POU6F2: variants seen among roughly 807,000 people sequenced by gnomAD.
The protein encoded by POU6F2 is POU domain, class 6, transcription factor 2.
In POU6F2, 31 loss-of-function variants were observed where a neutral mutation model predicts 71.3. The observed-to-expected ratio is 0.43, with a 90% CI of 0.33 to 0.59. POU6F2 has a LOEUF of 0.59. Among genes scored for constraint, POU6F2 ranks in the 20% least tolerant of loss-of-function variants. The pLI, the probability that POU6F2 is intolerant of heterozygous loss-of-function variation, is 0.04. For synonymous variants in POU6F2, 347 were observed against 355.7 expected (o/e 0.98, Z 0.27); for missense variants, 783 against 856.8 (o/e 0.91, Z 1.07).
Position 39,464,041 on chromosome 7 carries a change from C to T in POU6F2, c.1659-141C>T. ...AGCACGCTGGGAGGGTGGGCGCTGG[C>T]TTGGGCAGGGCTGGCTACCTTGCAG... On this transcript the variant is annotated intron_variant, in intron 9 of 9. Coordinates refer to ENST00000518318, the MANE Select transcript of POU6F2 (RefSeq NM_001370959.1). This position sits in a 1 kb window ranked among gnomAD's most constrained non-coding sequence, Gnocchi z 4.1. The T allele has an allele frequency of 8.9e-7, 1 of 1,123,190 alleles. No individual in the cohort carries two copies. Among genetic ancestry groups the T allele is most frequent in the Non-Finnish European group, 1.3e-6 (1 of 778,982 alleles). 69.6% of individuals were successfully genotyped at this position (1,123,190 alleles called of 1,614,324 possible).
Position 39,347,824 on chromosome 7 carries a change from G to T in POU6F2, c.972+7809G>T, listed in dbSNP as rs1786060093. ...TTTTTGTATTTTTTGTAGAGATGGG[G>T]TTTTGCCATGTTGCCCAGGCTGGTC... is the stretch of plus-strand genomic sequence containing the variant. On this transcript the variant is annotated intron_variant, in intron 5 of 9. Transcript: ENST00000518318. 2.8e-5 allele frequency among the ~76,000 whole-genome samples: 4 copies of T among 142,142 alleles called. 1 individual carries two copies. The highest frequency in any genetic ancestry group is 1.5e-4 in the Admixed American group (2 of 13,362). The allele number at this position is 142,142 out of a possible 152,430, so 93.3% of individuals were successfully genotyped here.
chr7:39,194,543 AAAGTGGACCAATCAGCGCTCTG>A (rs1793740224), intron 2 of POU6F2, among the ~76,000 whole-genome samples: 1 of 5,348 alleles, frequency 1.9e-4, no homozygotes, highest in African/African-American at 8.6e-3. Flanking sequence ...AGCACTCTGT[AAAGTGGACCAATCAGCGCTCTG>A]TAAAGTGGAC....
chr7:39,428,704 C>T lies in POU6F2; in HGVS notation c.1114-4373C>T, dbSNP rs573701336. Among the ~76,000 whole-genome samples, 4 of 152,212 alleles carry T rather than the reference C, an allele frequency of 2.6e-5. No individual in the cohort carries two copies. In the East Asian group the frequency reaches 7.7e-4, roughly 29 times the overall value. On this transcript the variant is annotated intron_variant, in intron 6 of 9. Coordinates refer to ENST00000518318, the MANE Select transcript of POU6F2 (RefSeq NM_001370959.1). The stretch of plus-strand genomic sequence containing the variant: ...ACTGATTTCCAGATCTGTAGTCCCT[C>T]ACCACTTGAGTCCATTCTGTCCACA...
At chr7:39,112,407 A>G (rs1031953310) in intron 2 of POU6F2, among the ~76,000 whole-genome samples, 3 of 152,214 alleles carry the variant, frequency 2.0e-5, no homozygotes, top group Non-Finnish European at 4.4e-5. Context: ...TATTAACAGT[A>G]CGTAATATAT....
rs571623090 is a variant in POU6F2, at chr7:39,221,050, A to T, written c.598+13430A>T. Among the ~76,000 whole-genome samples the T allele has an allele frequency of 1.3e-4, 20 of 152,312 alleles. No homozygotes were observed. The East Asian group carries it at 3.7e-3, about 28-fold the overall frequency. On this transcript the variant is annotated intron_variant, in intron 4 of 9. Transcript: ENST00000518318. ...ACAATATCTTATTAAAAATAATTTC[A>T]GCTTTAAATTTTTTTAAAATATGGA...
At chr7:39,458,280 C>T (rs1323906616) in intron 8 of POU6F2, among the ~76,000 whole-genome samples, 1 of 152,128 alleles carries the variant, frequency 6.6e-6, no homozygotes, top group Non-Finnish European at 1.5e-5. Flanking sequence ...CTGGACATTA[C>T]CAAGTGCAAA....
At chr7:39,383,836 A>G (rs1786880401) in intron 5 of POU6F2, among the ~76,000 whole-genome samples, 1 of 152,180 alleles carries the variant, frequency 6.6e-6, no homozygotes, top group Admixed American at 6.5e-5. Context: ...CTACACCTAT[A>G]AGATCTGGGC....
At chr7:39,017,800 C>A (rs1327926193) in intron 1 of POU6F2, among the ~76,000 whole-genome samples, 1 of 123,620 alleles carries the variant, frequency 8.1e-6, no homozygotes, top group East Asian at 2.4e-4. Flanking sequence ...AGCTCATTCC[C>A]AGATTGTGCA....
intron 4 of POU6F2, among the ~76,000 whole-genome samples, chr7:39,284,471 A>G (rs1255508217): frequency 6.6e-6 from 1 of 152,220 alleles, no homozygotes; most frequent in Non-Finnish European, 1.5e-5. Context: ...ACAGGTTATT[A>G]TAACTACTTT....
At chr7:39,368,795 T>C (rs58804492) in intron 5 of POU6F2, among the ~76,000 whole-genome samples, 31,089 of 152,086 alleles carry the variant, frequency 0.2, 3,741 homozygotes, top group East Asian at 0.59. Context: ...TCTACCTGTG[T>C]TTTGTAAATG....
At chr7:38,988,544 T>C (rs1194552479) in intron 1 of POU6F2, among the ~76,000 whole-genome samples, 1 of 152,100 alleles carries the variant, frequency 6.6e-6, no homozygotes, top group African/African-American at 2.4e-5. Context: ...ATGTCTAATG[T>C]TTAATACTAT....
At chr7:39,346,766 T>C (rs1313358795) in intron 5 of POU6F2, among the ~76,000 whole-genome samples, 1 of 152,254 alleles carries the variant, frequency 6.6e-6, no homozygotes, top group African/African-American at 2.4e-5. Context: ...GCTTTCATGA[T>C]CACAAGTTAT....
intron 4 of POU6F2, among the ~76,000 whole-genome samples, chr7:39,313,199 C>T (rs1020400364): frequency 6.6e-6 from 1 of 152,130 alleles, no homozygotes; most frequent in African/African-American, 2.4e-5. Flanking sequence ...CACTCTCCAG[C>T]CTCACTTCCC....
At chr7:39,411,405 G>C (rs1787545879) in intron 6 of POU6F2, among the ~76,000 whole-genome samples, 1 of 152,184 alleles carries the variant, frequency 6.6e-6, no homozygotes, top group South Asian at 2.1e-4. Context: ...TGGTGCTAAA[G>C]AAAGCATTCT....
At chr7:39,184,904 A>G (rs1294314831) in intron 2 of POU6F2, among the ~76,000 whole-genome samples, 1 of 152,144 alleles carries the variant, frequency 6.6e-6, no homozygotes, top group Non-Finnish European at 1.5e-5. Flanking sequence ...CAGAGGACAT[A>G]GGAAAGGTGG....
intron 4 of POU6F2, among the ~76,000 whole-genome samples, chr7:39,280,690 A>G (rs564742347): frequency 6.6e-6 from 1 of 152,376 alleles, no homozygotes; most frequent in South Asian, 2.1e-4. Flanking sequence ...ATAATTGAAC[A>G]GCATAATGGA....
chr7:39,347,104 G>A (rs1266965434), intron 5 of POU6F2, among the ~76,000 whole-genome samples: 1 of 152,132 alleles, frequency 6.6e-6, no homozygotes, highest in Admixed American at 6.5e-5. Flanking sequence ...TCAGACAGTT[G>A]GTGTGGGGAT....
intron 4 of POU6F2, among the ~76,000 whole-genome samples, chr7:39,263,328 T>G (rs947727895): frequency 2.6e-5 from 4 of 152,204 alleles, no homozygotes; most frequent in Non-Finnish European, 5.9e-5. Context: ...TTTCAATATT[T>G]TATCTAATCA....
At chr7:39,374,717 G>A (rs1404767399) in intron 5 of POU6F2, among the ~76,000 whole-genome samples, 1 of 152,210 alleles carries the variant, frequency 6.6e-6, no homozygotes, top group African/African-American at 2.4e-5. Context: ...TTGAGTGGAG[G>A]AGTGGGGAGG....
Sources: gnomAD v4.1 joint callset for allele counts (sites outside exome capture counted in the v4.1 genomes callset) on GRCh38, gnomAD v4.1.1 for gene constraint, Gnocchi (gnomAD v3.1) non-coding constraint, MANE v1.5 for transcripts, NCBI Gene and HGNC (gene_info 2026-07-23, HGNC 2026-07-21) for gene names.